The following DGKD variants were observed in gnomAD, a reference collection of about 807,000 sequenced individuals.
The protein encoded by DGKD is DAG kinase delta.
A neutral mutation model predicts 154.4 loss-of-function variants in DGKD; 68 were observed. The observed-to-expected ratio is 0.44, with a 90% CI of 0.36 to 0.54. The LOEUF (loss-of-function observed/expected upper bound fraction) is 0.54, where lower values mean the gene tolerates loss of function less well. DGKD is among the 20% of genes least tolerant of loss of function. The pLI is 0.00. For synonymous variants in DGKD, 693 were observed against 638.0 expected (o/e 1.09, Z -1.30); for missense variants, 1,343 against 1,593.6 (o/e 0.84, Z 2.68).
chr2:233,418,415 C>T (rs1365478817), intron 3 of DGKD, among the ~76,000 whole-genome samples: 1 of 152,212 alleles, frequency 6.6e-6, no homozygotes, highest in African/African-American at 2.4e-5. Context: ...GAACATAACT[C>T]AAGCTTAATG....
chr2:233,396,127 G>A (rs1704011046), intron 3 of DGKD, among the ~76,000 whole-genome samples: 2 of 152,146 alleles, frequency 1.3e-5, no homozygotes, highest in African/African-American at 2.4e-5. Flanking sequence ...TGTTGCAGGG[G>A]GTTGTCGAGA....
At chr2:233,460,492 C>A in intron 24 of DGKD, 147 bp downstream of exon 24, 2 of 1,075,162 alleles carry the variant, frequency 1.9e-6, no homozygotes, top group Non-Finnish European at 2.6e-6. Context: ...GTTTATGTGC[C>A]CTCAGCTCTG....
At chr2:233,363,006 AGTT>A (rs1339332482) in intron 1 of DGKD, among the ~76,000 whole-genome samples, 4 of 152,258 alleles carry the variant, frequency 2.6e-5, no homozygotes, top group Admixed American at 2.6e-4. Flanking sequence ...AGTACATAAT[AGTT>A]GATGATGATA....
At chr2:233,460,010 G>C in intron 23 of DGKD, 119 bp downstream of exon 23, 2 of 1,442,790 alleles carry the variant, frequency 1.4e-6, no homozygotes, top group Non-Finnish European at 1.8e-6. Context: ...TTTTTTTTAA[G>C]ACACAATGAT....
intron 3 of DGKD, among the ~76,000 whole-genome samples, chr2:233,429,556 A>G (rs2062437005): frequency 6.6e-6 from 1 of 152,114 alleles, no homozygotes; most frequent in South Asian, 2.1e-4. Flanking sequence ...CAGTGTGGGA[A>G]ATAGTTATCT....
chr2:233,380,677 T>G (rs985851163), intron 1 of DGKD, among the ~76,000 whole-genome samples: 45 of 151,906 alleles, frequency 3.0e-4, no homozygotes, highest in East Asian at 2.7e-3. Flanking sequence ...TGTGTGTGTG[T>G]GTGGGGGGGT....
intron 18 of DGKD, chr2:233,454,447 CG>C (rs2063389976): frequency 1.5e-5 from 7 of 481,666 alleles, no homozygotes; most frequent in Non-Finnish European, 3.0e-5. Flanking sequence ...GGAAAGTAGA[CG>C]AGAGGCGCCA....
Position 233,408,242 on chromosome 2 carries a change from A to G in DGKD, c.348+17759A>G, listed in dbSNP as rs185561179. Among the ~76,000 whole-genome samples the G allele has an allele frequency of 7.3e-3, 1,094 of 149,278 alleles. 9 individuals carry two copies. The highest frequency in any genetic ancestry group is 0.027 in the African/African-American group (1,037 of 38,750). ...TTTTTAGTAGAGACAGGGTTTCACC[A>G]TGTTGGCCAGGCTGGTCTCGAACTC... On this transcript the variant is annotated intron_variant, in intron 3 of 29. Coordinates refer to ENST00000264057, the MANE Select transcript of DGKD (RefSeq NM_152879.3).
intron 3 of DGKD, among the ~76,000 whole-genome samples, chr2:233,404,060 ATG>A (rs1426238404): frequency 2.0e-5 from 3 of 151,758 alleles, no homozygotes; most frequent in African/African-American, 7.3e-5. Context: ...TACATTTTAC[ATG>A]TGTTATATAC....
intron 6 of DGKD, 115 bp from the exon 7 acceptor site, chr2:233,436,201 G>A: frequency 1.3e-6 from 2 of 1,528,988 alleles, no homozygotes; most frequent in Admixed American, 1.8e-5. Context: ...GGCCATCAGG[G>A]AAGGAGCTTG....
chr2:233,371,400 G>C (rs1022641836), intron 1 of DGKD, among the ~76,000 whole-genome samples: 6 of 152,004 alleles, frequency 3.9e-5, no homozygotes, highest in Admixed American at 6.5e-5. Context: ...TTGTCTTCTT[G>C]TTGTTGAATT....
chr2:233,410,533 T>A (rs2061801586), intron 3 of DGKD, among the ~76,000 whole-genome samples: 1 of 152,216 alleles, frequency 6.6e-6, no homozygotes, highest in African/African-American at 2.4e-5. Context: ...TTTTCCCAAA[T>A]CCCTAAGTGC....
Position 233,390,444 on chromosome 2 carries a change from A to G in DGKD, c.309A>G (p.Val103=), listed in dbSNP as rs141358594. 1 of 1,614,162 alleles carries G rather than the reference A, an allele frequency of 6.2e-7. No homozygotes were observed. Among genetic ancestry groups the G allele is most frequent in the Non-Finnish European group, 8.5e-7 (1 of 1,180,014 alleles). The change falls in exon 3 of 30, where the codon GTA becomes GTG. Residue 103 remains valine (V), a synonymous_variant. Coordinates refer to ENST00000264057, the MANE Select transcript of DGKD (RefSeq NM_152879.3). ...AGGTGGATCTGACAGATGCCAGCGT[A>G]GCTGAATCCAGTACCAAAAACGTCA... The part of the protein sequence containing the change: ...FDEVDLTDAS[V]AESSTKNVNN...
Position 233,467,173 on chromosome 2 carries a change from AAAG to A in DGKD, c.3398_3400del (p.Glu1133del), listed in dbSNP as rs780174962. On this transcript the variant is annotated inframe_deletion, in exon 28 of 30. Coordinates refer to ENST00000264057, the MANE Select transcript of DGKD (RefSeq NM_152879.3). ...TAAAAAGGAGAAAAACAACAAGAACAAAGAAGCTCACAGTAGCCTGGGAGCCCC... is the reference window on the plus strand; with the variant it reads ...TAAAAAGGAGAAAAACAACAAGAACAAAGCTCACAGTAGCCTGGGAGCCCC... The A allele has an allele frequency of 3.7e-6, 6 of 1,614,152 alleles. No individual in the cohort carries two copies. The Admixed American group carries it at 6.7e-5, about 18-fold the overall frequency.
chr2:233,382,187 T>C (rs555615630), intron 1 of DGKD, among the ~76,000 whole-genome samples: 1 of 152,280 alleles, frequency 6.6e-6, no homozygotes, highest in East Asian at 1.9e-4. Context: ...TGAGCCAAGA[T>C]TGTGGCACTG....
In DGKD at chr2:233,440,845, C is replaced by T. The variant is rs542561137; in HGVS notation, c.1086-1042C>T. 2.8e-4 allele frequency among the ~76,000 whole-genome samples: 42 copies of T among 152,280 alleles called. No homozygotes were observed. The highest frequency in any genetic ancestry group is 3.4e-3 in the Middle Eastern group (1 of 294). On this transcript the variant is annotated intron_variant, in intron 9 of 29. Transcript: ENST00000264057. This position sits in a 1 kb window ranked among gnomAD's most constrained non-coding sequence, Gnocchi z 4.9. ...AGGAAGGGTGTCAAGGTGACTGAGG[C>T]TCCTGTGGGACTCTGCGAGAGCACG...
intron 3 of DGKD, among the ~76,000 whole-genome samples, chr2:233,412,148 T>G (rs2061845128): frequency 6.6e-6 from 1 of 152,228 alleles, no homozygotes; most frequent in Non-Finnish European, 1.5e-5. Context: ...AAGTGAGGCC[T>G]GCTAGAATTT....
At chr2:233,460,388 G>C (rs1429199497) in intron 24 of DGKD, 43 bp downstream of exon 24, 7 of 1,607,224 alleles carry the variant, frequency 4.4e-6, no homozygotes, top group Non-Finnish European at 5.9e-6. Context: ...CCTCCCCCAG[G>C]GTCCCTGGGA....
At position 233,459,796 on chromosome 2, in the gene DGKD, G is replaced by A. The variant is rs1276499098; in HGVS notation, c.2734G>A (p.Val912Met). The change falls in exon 23 of 30, where the codon GTG (valine) becomes ATG (methionine). Residue 912 changes from valine (V) to methionine (M), a missense_variant. By Grantham distance (21) the Val-to-Met change is conservative. Transcript: ENST00000264057. This position sits in a 1 kb window ranked among gnomAD's most constrained non-coding sequence, Gnocchi z 5.7. ...GATCTCCATCCTTGGGGATGAGGGCGTGCCTGTGCAGGTGGACGGAGAGGC... is the reference window on the plus strand; with the variant it reads ...GATCTCCATCCTTGGGGATGAGGGCATGCCTGTGCAGGTGGACGGAGAGGC... ...VKISILGDEGVPVQVDGEAWV... is the reference protein window; with the variant it reads ...VKISILGDEGMPVQVDGEAWV... The A allele has an allele frequency of 4.3e-6, 7 of 1,613,794 alleles. No individual in the cohort carries two copies. The highest frequency in any genetic ancestry group is 1.6e-4 in the Middle Eastern group (1 of 6,084).
Sources: allele counts gnomAD v4.1 joint callset (sites outside exome capture counted in the v4.1 genomes callset), GRCh38; gene constraint gnomAD v4.1.1; non-coding constraint Gnocchi (gnomAD v3.1); transcripts MANE v1.5; gene names NCBI Gene and HGNC (gene_info 2026-07-23, HGNC 2026-07-21).